The following PGAP4 variants were observed in gnomAD, a reference collection of about 807,000 sequenced individuals.
The protein encoded by PGAP4 is GPI-N-acetylgalactosamine transferase PGAP4.
In PGAP4, 12 loss-of-function variants were observed where a neutral mutation model predicts 28.2. The ratio of observed to expected loss-of-function variants is 0.42; its 90% CI spans 0.27 to 0.69. The LOEUF is 0.69. Ranked by LOEUF, PGAP4 falls within the 30% of genes least tolerant of loss-of-function variation. PGAP4 has a pLI of 0.22. For synonymous variants in PGAP4, 205 were observed against 211.8 expected, an observed-to-expected ratio of 0.97 and a Z score of 0.28; for missense variants, 425 against 513.5, an observed-to-expected ratio of 0.83 and a Z score of 1.67.
chr9:101,519,071 T>C (rs1368823182), intron 2 of PGAP4, among the ~76,000 whole-genome samples: 1 of 152,200 alleles, frequency 6.6e-6, no homozygotes, highest in Non-Finnish European at 1.5e-5. Flanking sequence ...ATTAGTGATG[T>C]GAACACTTTT....
At chr9:101,518,075 A>G (rs1826956405) in intron 2 of PGAP4, among the ~76,000 whole-genome samples, 1 of 151,778 alleles carries the variant, frequency 6.6e-6, no homozygotes, top group African/African-American at 2.4e-5. Context: ...TATTGTTTCC[A>G]TCTTTGTGTC....
In PGAP4 at chr9:101,473,452, G is replaced by C. The variant is rs541689027; in HGVS notation, c.*2429C>G. 1.3e-5 allele frequency: 2 copies of C among 152,304 alleles called. No individual in the cohort carries two copies. Among genetic ancestry groups the C allele is most frequent in the Admixed American group, 1.3e-4 (2 of 15,302 alleles). 9.4% of individuals were successfully genotyped at this position (152,304 alleles called of 1,614,324 possible). Reference sequence around the variant, plus strand: ...TACACAAAAATTAGACTCCTTATAAGAATAAGGGATTAAATGGAGGAAGAT... The same window carrying C: ...TACACAAAAATTAGACTCCTTATAACAATAAGGGATTAAATGGAGGAAGAT... On this transcript the variant is annotated 3_prime_UTR_variant, in exon 2 of 2. Transcript: ENST00000374848.
At chr9:101,525,692 A>G (rs1478632848) in intron 2 of PGAP4, among the ~76,000 whole-genome samples, 1 of 130,952 alleles carries the variant, frequency 7.6e-6, no homozygotes, top group Non-Finnish European at 1.6e-5. Flanking sequence ...TCGGCAACAG[A>G]GCGTCTCAAA....
chr9:101,529,718 G>T (rs374238453), intron 2 of PGAP4, among the ~76,000 whole-genome samples: 135 of 152,328 alleles, frequency 8.9e-4, no homozygotes, highest in African/African-American at 3.0e-3. Context: ...GAAGGAGAAA[G>T]GTGTGGCGAG....
Position 101,477,129 on chromosome 9 carries a change from A to C in PGAP4, c.-37T>G, listed in dbSNP as rs143562984. 1,274 of 1,519,304 alleles carry C rather than the reference A, an allele frequency of 8.4e-4. 19 individuals are homozygous for C. In the Admixed American group the frequency reaches 0.018, roughly 22 times the overall value. The allele number at this position is 1,519,304 out of a possible 1,614,324, so 94.1% of individuals were successfully genotyped here. A position where few individuals can be genotyped will look rare whatever the true frequency, so the allele number is the denominator to read the frequency against. On this transcript the variant is annotated 5_prime_UTR_variant, in exon 2 of 2. Coordinates refer to ENST00000374848, the MANE Select transcript of PGAP4 (RefSeq NM_032342.3). ...TTGTTCATGTCTGGTCCCAAGAAAA[A>C]ACCATCCTGGAACTCAGGCCAGAGT...
At chr9:101,479,331 T>G (rs1826415120) in intron 1 of PGAP4, among the ~76,000 whole-genome samples, 2 of 152,224 alleles carry the variant, frequency 1.3e-5, no homozygotes, top group Non-Finnish European at 2.9e-5. Context: ...TCGAGTGGAT[T>G]TCTGCTCATA....
At chr9:101,506,852 T>G (rs1286287736) in intron 2 of PGAP4, among the ~76,000 whole-genome samples, 2 of 152,080 alleles carry the variant, frequency 1.3e-5, no homozygotes, top group East Asian at 1.9e-4. Flanking sequence ...TACCAATCCT[T>G]GTAACTCCCC....
In PGAP4 at chr9:101,475,029, A is replaced by T. The variant is rs1826258018; in HGVS notation, c.*852T>A. 6.6e-6 allele frequency: 1 copy of T among 150,766 alleles called. No individual in the cohort carries two copies. The highest frequency in any genetic ancestry group is 2.4e-5 in the African/African-American group (1 of 40,936). 9.3% of individuals were successfully genotyped at this position (150,766 alleles called of 1,614,324 possible). A position where few individuals can be genotyped will look rare whatever the true frequency, so the allele number is the denominator to read the frequency against. On this transcript the variant is annotated 3_prime_UTR_variant, in exon 2 of 2. Coordinates refer to ENST00000374848, the MANE Select transcript of PGAP4 (RefSeq NM_032342.3). ...TCTATAACATCATGCTACCTAGAAG[A>T]AAAAGAAATGAAGGTAAGCAGTCAG...
In PGAP4 at chr9:101,475,879, C is replaced by T. The variant is rs146827807; in HGVS notation, c.*2G>A. On this transcript the variant is annotated 3_prime_UTR_variant, in exon 2 of 2. Coordinates refer to ENST00000374848, the MANE Select transcript of PGAP4 (RefSeq NM_032342.3). ...AACTTCAGAAAGGCATCTCTTGGCA[C>T]CCTAGAGGAGACTGGGATGAAAGTT... 8.1e-6 allele frequency: 13 copies of T among 1,612,932 alleles called. No homozygotes were observed. The highest frequency in any genetic ancestry group is 1.3e-5 in the African/African-American group (1 of 74,902).
At chr9:101,532,506 TG>T (rs1231963352) in intron 1 of PGAP4, among the ~76,000 whole-genome samples, 2 of 152,202 alleles carry the variant, frequency 1.3e-5, no homozygotes, top group African/African-American at 4.8e-5. Flanking sequence ...GCATAACTGT[TG>T]GCTAAATGCA....
chr9:101,488,999 TAGTA>T (rs1467794713), upstream of PGAP4: 5 of 152,312 alleles, frequency 3.3e-5, no homozygotes, highest in Non-Finnish European at 5.9e-5. Context: ...ATATTTTAAA[TAGTA>T]AGATCAAACA....
At chr9:101,519,658 T>C (rs1826970806) in intron 2 of PGAP4, among the ~76,000 whole-genome samples, 1 of 149,954 alleles carries the variant, frequency 6.7e-6, no homozygotes, top group South Asian at 2.1e-4. Context: ...TATACATACA[T>C]ATATATATAC....
At chr9:101,499,267 T>C (rs776782426) in intron 2 of PGAP4, among the ~76,000 whole-genome samples, 1 of 151,964 alleles carries the variant, frequency 6.6e-6, no homozygotes, top group Non-Finnish European at 1.5e-5. Flanking sequence ...AAAGGTGAGC[T>C]GTGGAAGTGG....
At chr9:101,532,433 A>T (rs1401579663) in intron 1 of PGAP4, among the ~76,000 whole-genome samples, 1 of 152,218 alleles carries the variant, frequency 6.6e-6, no homozygotes, top group Non-Finnish European at 1.5e-5. Context: ...GTTGGCAACT[A>T]AGTTCATTTT....
At chr9:101,511,892 C>T (rs180679936) in intron 2 of PGAP4, among the ~76,000 whole-genome samples, 21 of 152,208 alleles carry the variant, frequency 1.4e-4, no homozygotes, top group Admixed American at 4.6e-4. Context: ...GGATAGTCTT[C>T]CTGGTGCATG....
chr9:101,519,183 A>G (rs1430370837), intron 2 of PGAP4, among the ~76,000 whole-genome samples: 1 of 151,770 alleles, frequency 6.6e-6, no homozygotes. Flanking sequence ...TTTTAGATGG[A>G]GTCTTGCTCT....
chr9:101,492,510 T>C (rs1364493185), intron 2 of PGAP4, among the ~76,000 whole-genome samples: 1 of 152,198 alleles, frequency 6.6e-6, no homozygotes, highest in Non-Finnish European at 1.5e-5. Flanking sequence ...TGCTTCTTTT[T>C]CTTTGCACAT....
In PGAP4 at chr9:101,476,121, G is replaced by GT; in HGVS notation, c.971dup (p.Tyr324Ter). 6.2e-7 allele frequency: 1 copy of GT among 1,614,060 alleles called. No individual in the cohort carries two copies. Among genetic ancestry groups the GT allele is most frequent in the South Asian group, 1.1e-5 (1 of 91,076 alleles). Residue 324 changes from tyrosine (Y) to a stop codon, truncating the protein, a stop_gained and frameshift_variant, in exon 2 of 2, where the codon TAC becomes TAAC. Coordinates refer to ENST00000374848, the MANE Select transcript of PGAP4 (RefSeq NM_032342.3). LOFTEE classifies it high-confidence loss of function. This position sits in a 1 kb window ranked among gnomAD's most constrained non-coding sequence, Gnocchi z 7.0. ...AACACTGAGAGGCAGGAACCACACT[G>GT]TACAGGGAAGGACTCAGCCGCCGCA... ...LELRRLSPSLYSVVPASQCCT... is the reference protein window; with the variant it reads ...LELRRLSPSL
chr9:101,496,984 A>G (rs1032294703), intron 2 of PGAP4, among the ~76,000 whole-genome samples: 4 of 150,788 alleles, frequency 2.7e-5, no homozygotes, highest in Admixed American at 2.6e-4. Flanking sequence ...AGAATTACAT[A>G]TTAATTAGAA....
Sources: gnomAD v4.1 joint callset for allele counts (sites outside exome capture counted in the v4.1 genomes callset) on GRCh38, gnomAD v4.1.1 for gene constraint, Gnocchi (gnomAD v3.1) non-coding constraint, MANE v1.5 for transcripts, NCBI Gene and HGNC (gene_info 2026-07-23, HGNC 2026-07-21) for gene names.